The following ADNP variants were observed in gnomAD, a reference collection of about 807,000 sequenced individuals.
The protein encoded by ADNP is activity dependent neuroprotector homeobox.
A neutral mutation model predicts 84.9 loss-of-function variants in ADNP; 4 were observed. The observed-to-expected ratio is 0.05, with a 90% CI of 0.02 to 0.11. The LOEUF (loss-of-function observed/expected upper bound fraction) is 0.11. Among genes scored for constraint, ADNP ranks in the 10% least tolerant of loss-of-function variants. The pLI is 1.00. For missense variants in ADNP, 1,132 were observed against 1,326.0 expected, an observed-to-expected ratio of 0.85 and a Z score of 2.27; for synonymous variants, 554 against 468.1, an observed-to-expected ratio of 1.18 and a Z score of -2.37.
intron 5 of ADNP, among the ~76,000 whole-genome samples, chr20:50,895,222 C>G (rs575257720): frequency 6.6e-6 from 1 of 152,198 alleles, no homozygotes; most frequent in Non-Finnish European, 1.5e-5. Flanking sequence ...GTGAAATCCT[C>G]AAGTGTGTAT....
intron 5 of ADNP, among the ~76,000 whole-genome samples, chr20:50,896,565 A>G (rs1419886581): frequency 6.6e-6 from 1 of 151,636 alleles, no homozygotes; most frequent in African/African-American, 2.4e-5. Context: ...GTCTCAAAAA[A>G]AAACCAAAAA....
rs1983906858 is a variant in ADNP at position 50,920,765 on chromosome 20, G to C, written c.-90+7886C>G. 2.6e-5 allele frequency among the ~76,000 whole-genome samples: 4 copies of C among 152,126 alleles called. No individual in the cohort carries two copies. The South Asian group carries it at 8.3e-4, about 32-fold the overall frequency. Reference sequence around the variant, plus strand: ...GGAAAAGAAAAGGTTCACAGGTGAAGCTTATAGCCTAAGTCAAAATTTGTG... The same window carrying C: ...GGAAAAGAAAAGGTTCACAGGTGAACCTTATAGCCTAAGTCAAAATTTGTG... On this transcript the variant is annotated intron_variant, in intron 2 of 5. Coordinates refer to ENST00000621696, the MANE Select transcript of ADNP (RefSeq NM_001282531.3).
chr20:50,922,938 A>G (rs1984053121), intron 2 of ADNP, among the ~76,000 whole-genome samples: 1 of 152,042 alleles, frequency 6.6e-6, no homozygotes, highest in Admixed American at 6.5e-5. Context: ...TCCCCGGGGT[A>G]TAGGGCCAAC....
chr20:50,920,330 C>T (rs1983870845), intron 2 of ADNP, among the ~76,000 whole-genome samples: 2 of 150,474 alleles, frequency 1.3e-5, no homozygotes, highest in South Asian at 4.2e-4. Flanking sequence ...CCTGCAATCC[C>T]AGCACTTTGG....
At chr20:50,914,169 C>G (rs1357496774) in intron 2 of ADNP, 1 of 787,442 alleles carries the variant, frequency 1.3e-6, no homozygotes, top group African/African-American at 1.7e-5. Context: ...AGGCCACAGC[C>G]AAGGGTAACT....
intron 5 of ADNP, among the ~76,000 whole-genome samples, chr20:50,900,302 G>A (rs954678712): frequency 2.0e-5 from 3 of 152,128 alleles, no homozygotes; most frequent in Non-Finnish European, 4.4e-5. Context: ...TAGCCTAGGA[G>A]CAACAGGCCA....
intron 2 of ADNP, among the ~76,000 whole-genome samples, chr20:50,928,426 T>C (rs567605566): frequency 2.6e-5 from 4 of 152,224 alleles, no homozygotes; most frequent in Admixed American, 6.5e-5. Flanking sequence ...ATGCAAATGA[T>C]TACAATATTA....
chr20:50,891,511 G>A lies in ADNP; in HGVS notation c.3203C>T (p.Thr1068Ile). The A allele has an allele frequency of 1.2e-6, 2 of 1,612,160 alleles. No homozygotes were observed. Among genetic ancestry groups the A allele is most frequent in the Non-Finnish European group, 1.7e-6 (2 of 1,180,012 alleles). ...CTGTTCCCCATCCTCACTGTCAATT[G>A]TGCTATTCTGCCACTCAATCTGGGG... is the stretch of plus-strand genomic sequence containing the variant. Reference protein sequence around the residue: ...SNPQIEWQNSTIDSEDGEQFD... With the variant: ...SNPQIEWQNSIIDSEDGEQFD... Residue 1068 changes from threonine to isoleucine, a missense_variant, in exon 6 of 6, where the codon ACA becomes ATA. Thr to Ile is a moderately conservative substitution (Grantham distance 89). Coordinates refer to ENST00000621696, the MANE Select transcript of ADNP (RefSeq NM_001282531.3).
chr20:50,896,439 AAATT>A (rs1981402096), intron 5 of ADNP, among the ~76,000 whole-genome samples: 1 of 152,104 alleles, frequency 6.6e-6, no homozygotes, highest in South Asian at 2.1e-4. Context: ...AAAATACAAA[AAATT>A]AACCGGACGT....
chr20:50,926,811 CT>C (rs931544804), intron 2 of ADNP, among the ~76,000 whole-genome samples: 1 of 151,928 alleles, frequency 6.6e-6, no homozygotes, highest in Non-Finnish European at 1.5e-5. Flanking sequence ...TGAAGTTTTT[CT>C]TTTTTTTACC....
chr20:50,914,292 T>C (rs1350857231), intron 2 of ADNP: 2 of 698,848 alleles, frequency 2.9e-6, no homozygotes, highest in East Asian at 2.5e-5. Flanking sequence ...GCAAAACTGC[T>C]GGTGTCCCAA....
rs1010757590 is a variant in ADNP, at chr20:50,901,322, A to T, written c.201+695T>A. 5.1e-3 allele frequency among the ~76,000 whole-genome samples: 23 copies of T among 4,520 alleles called. No homozygotes were observed. In the East Asian group the frequency reaches 0.14, roughly 28 times the overall value. The allele number at this position is 4,520 out of a possible 152,430, so 3.0% of individuals were successfully genotyped here. ...GTTAGTAACTTTGCCTGGGGTATTT[A>T]AAAAAAAAAAAAAAAAAAAAAAAAA... On this transcript the variant is annotated intron_variant, in intron 5 of 5. Coordinates refer to ENST00000621696, the MANE Select transcript of ADNP (RefSeq NM_001282531.3).
In ADNP at chr20:50,930,967, G is replaced by A. The variant is rs1984707420; in HGVS notation, c.-406C>T. 6.9e-6 allele frequency: 1 copy of A among 145,268 alleles called. No homozygotes were observed. The highest frequency in any genetic ancestry group is 2.5e-5 in the African/African-American group (1 of 40,220). The allele number at this position is 145,268 out of a possible 1,614,324, so 9.0% of individuals were successfully genotyped here. A position where few individuals can be genotyped will look rare whatever the true frequency, so the allele number is the denominator to read the frequency against. The stretch of plus-strand genomic sequence containing the variant: ...GGGCCTCGTCGCGCTCCGGCTCGGC[G>A]GACTCCGGCTCGCGCCGCGGCCGCG... On this transcript the variant is annotated 5_prime_UTR_variant, in exon 1 of 6. Coordinates refer to ENST00000621696, the MANE Select transcript of ADNP (RefSeq NM_001282531.3).
intron 2 of ADNP, among the ~76,000 whole-genome samples, chr20:50,906,259 A>G (rs6126123): frequency 0.26 from 39,663 of 150,212 alleles, 5,304 homozygotes; most frequent in Admixed American, 0.27. Context: ...CAGGTCTTTT[A>G]GAGAGAAGCA....
At chr20:50,911,510 CT>C (rs371456557) in intron 2 of ADNP, among the ~76,000 whole-genome samples, 256 of 141,770 alleles carry the variant, frequency 1.8e-3, no homozygotes, top group Non-Finnish European at 1.9e-3. Context: ...CTTTTCTTTT[CT>C]TTTTTTTTTT....
intron 5 of ADNP, among the ~76,000 whole-genome samples, chr20:50,898,247 A>G (rs991974180): frequency 6.6e-6 from 1 of 152,118 alleles, no homozygotes; most frequent in Non-Finnish European, 1.5e-5. Context: ...CAAACTCACC[A>G]CTTTCCCATT....
chr20:50,928,471 G>A (rs138508900), intron 2 of ADNP, among the ~76,000 whole-genome samples, 180 bp downstream of exon 2: 4 of 152,320 alleles, frequency 2.6e-5, no homozygotes, highest in East Asian at 1.9e-4. Context: ...AAAGCTGTAA[G>A]TAATTTCTTA....
chr20:50,920,279 A>C (rs1020808096), intron 2 of ADNP, among the ~76,000 whole-genome samples: 2 of 149,064 alleles, frequency 1.3e-5, no homozygotes, highest in Non-Finnish European at 3.0e-5. Context: ...AAAAAAAAAA[A>C]AAAAAGAAAG....
In ADNP at chr20:50,893,586, C is replaced by T. The variant is rs186717354; in HGVS notation, c.1128G>A (p.Arg376=). 17 of 1,614,126 alleles carry T rather than the reference C, an allele frequency of 1.1e-5. No individual in the cohort carries two copies. The East Asian group carries it at 3.1e-4, about 30-fold the overall frequency. ...TCTGCTCTGACCCAAGCCCATAAGA[C>T]CTTCCGTTTCCACTTGGAAGTAACT... is the stretch of plus-strand genomic sequence containing the variant. ...VKQLLPSGNG[R]SYGLGSEQRS... The change falls in exon 6 of 6, where the codon AGG becomes AGA. Residue 376 remains arginine (R), a synonymous_variant. Coordinates refer to ENST00000621696, the MANE Select transcript of ADNP (RefSeq NM_001282531.3). The surrounding 1 kb of genome is among the most constrained non-coding windows in gnomAD (Gnocchi z 4.4).
Sources: allele counts gnomAD v4.1 joint callset (sites outside exome capture counted in the v4.1 genomes callset), GRCh38; gene constraint gnomAD v4.1.1; non-coding constraint Gnocchi (gnomAD v3.1); transcripts MANE v1.5; gene names NCBI Gene and HGNC (gene_info 2026-07-23, HGNC 2026-07-21).